The following UBAC2 variants were observed in gnomAD, a reference collection of about 807,000 sequenced individuals.
UBAC2 encodes the protein ubiquitin-associated domain-containing protein 2.
A neutral mutation model predicts 44.0 loss-of-function variants in UBAC2; 26 were observed. That is an observed-to-expected ratio of 0.59 (90% CI 0.43 to 0.82). The LOEUF is 0.82. Ranked by LOEUF, UBAC2 falls within the 40% of genes least tolerant of loss-of-function variation. The probability of loss-of-function intolerance (pLI) is 0.00; values close to 1 mark genes in which losing one functional copy is unlikely to be tolerated. For missense variants in UBAC2, 329 were observed against 419.4 expected, an observed-to-expected ratio of 0.78 and a Z score of 1.88; for synonymous variants, 155 against 154.3, an observed-to-expected ratio of 1.00 and a Z score of -0.04.
At chr13:99,296,715 G>A (rs59654298) in intron 4 of UBAC2, among the ~76,000 whole-genome samples, 1,779 of 152,116 alleles carry the variant, frequency 0.012, 39 homozygotes, top group African/African-American at 0.041. Flanking sequence ...TGAGAAATAG[G>A]CTTAGTCCAT....
intron 8 of UBAC2, among the ~76,000 whole-genome samples, chr13:99,368,669 C>T (rs1356510699): frequency 6.7e-6 from 1 of 148,910 alleles, no homozygotes; most frequent in African/African-American, 2.5e-5. Context: ...TTATCACTAT[C>T]ATCGTAAACT....
intron 4 of UBAC2, among the ~76,000 whole-genome samples, chr13:99,262,288 A>T (rs182551692): frequency 6.6e-6 from 1 of 152,282 alleles, no homozygotes; most frequent in East Asian, 1.9e-4. Flanking sequence ...AATAGTAAGT[A>T]TAGGGTTTGG....
At chr13:99,277,140 C>A (rs1479647478) in intron 4 of UBAC2, among the ~76,000 whole-genome samples, 1 of 151,598 alleles carries the variant, frequency 6.6e-6, no homozygotes, top group Non-Finnish European at 1.5e-5. Context: ...TGGGCTTATA[C>A]CTTTAAAAAA....
intron 7 of UBAC2, among the ~76,000 whole-genome samples, chr13:99,362,782 T>A (rs1594171854): frequency 6.6e-6 from 1 of 152,206 alleles, no homozygotes; most frequent in Admixed American, 6.5e-5. Context: ...TTTGTAACTT[T>A]TGAATTTTGA....
intron 4 of UBAC2, among the ~76,000 whole-genome samples, chr13:99,301,447 C>T (rs2044255363): frequency 6.6e-6 from 1 of 152,226 alleles, no homozygotes; most frequent in African/African-American, 2.4e-5. Flanking sequence ...ATGTGTAAAA[C>T]AGTAAGTTTC....
chr13:99,357,715 T>C (rs2045207572), intron 7 of UBAC2, among the ~76,000 whole-genome samples: 1 of 152,200 alleles, frequency 6.6e-6, no homozygotes, highest in Admixed American at 6.5e-5. Context: ...ATGAAGAATG[T>C]AGGTATCAAG....
At position 99,385,316 on chromosome 13, in the gene UBAC2, A is replaced by C; in HGVS notation, c.1016A>C (p.Asn339Thr). 3 of 1,613,976 alleles carry C rather than the reference A, an allele frequency of 1.9e-6. No individual in the cohort carries two copies. The highest frequency in any genetic ancestry group is 2.5e-6 in the Non-Finnish European group (3 of 1,179,938). ...ASNNDLNVAT[N>T]FLLQH ...AACAATGACCTCAATGTCGCCACCA[A>C]CTTCCTGCTGCAGCACTGATAGTCC... is the stretch of plus-strand genomic sequence containing the variant. Residue 339 changes from asparagine to threonine, a missense_variant, in exon 9 of 9, where the codon AAC becomes ACC. Coordinates refer to ENST00000403766, the MANE Select transcript of UBAC2 (RefSeq NM_001144072.2).
intron 4 of UBAC2, among the ~76,000 whole-genome samples, chr13:99,310,527 A>G (rs2044397694): frequency 6.6e-6 from 1 of 152,248 alleles, no homozygotes. Flanking sequence ...AAGACTGGTC[A>G]GTGACTAATA....
intron 7 of UBAC2, chr13:99,351,579 G>T (rs1453325950): frequency 6.6e-6 from 3 of 456,588 alleles, no homozygotes; most frequent in African/African-American, 4.0e-5. Context: ...CTTAGTTCTG[G>T]TCATCTGTTA....
intron 4 of UBAC2, among the ~76,000 whole-genome samples, chr13:99,289,896 G>A (rs1359539329): frequency 1.3e-5 from 2 of 152,128 alleles, no homozygotes; most frequent in African/African-American, 2.4e-5. Flanking sequence ...AGTGACACAC[G>A]CGTCTTTTGC....
At chr13:99,354,180 G>A (rs1256870254) in intron 7 of UBAC2, among the ~76,000 whole-genome samples, 2 of 152,198 alleles carry the variant, frequency 1.3e-5, no homozygotes, top group Non-Finnish European at 2.9e-5. Context: ...CAGGACAGTT[G>A]CCCAAGGAGC....
chr13:99,385,472 C>T lies in UBAC2; in HGVS notation c.*137C>T. The T allele has an allele frequency of 3.0e-6, 2 of 659,274 alleles. No individual in the cohort carries two copies. The highest frequency in any genetic ancestry group is 1.8e-5 in the South Asian group (1 of 56,594). The allele number at this position is 659,274 out of a possible 1,614,324, so 40.8% of individuals were successfully genotyped here. ...AGAGGGAGGTTCCACCGCACCCCTG[C>T]CCTCAACCGCAAGACTGTTGCCGTT... On this transcript the variant is annotated 3_prime_UTR_variant, in exon 9 of 9. Transcript: ENST00000403766.
chr13:99,222,546 A>AGTT (rs1461204914), intron 1 of UBAC2, among the ~76,000 whole-genome samples: 1 of 152,258 alleles, frequency 6.6e-6, no homozygotes, highest in Non-Finnish European at 1.5e-5. Context: ...TGGTAATTAC[A>AGTT]TAGCAGTAAG....
In UBAC2 at chr13:99,253,605, C is replaced by A. The variant is rs182784259; in HGVS notation, c.389+8981C>A. 5.1e-4 allele frequency among the ~76,000 whole-genome samples: 77 copies of A among 152,282 alleles called. 1 individual carries two copies. The highest frequency in any genetic ancestry group is 4.6e-3 in the Admixed American group (70 of 15,284). ...CTCGGCTCACTGCAGCCTCCGCCTCCTGGGTTCAAGCTATTCTCCTGCCTC... is the reference window on the plus strand; with the variant it reads ...CTCGGCTCACTGCAGCCTCCGCCTCATGGGTTCAAGCTATTCTCCTGCCTC... On this transcript the variant is annotated intron_variant, in intron 4 of 8. Coordinates refer to ENST00000403766, the MANE Select transcript of UBAC2 (RefSeq NM_001144072.2).
In UBAC2 at chr13:99,237,088, C is replaced by T. The variant is rs187489672; in HGVS notation, c.32-1339C>T. On this transcript the variant is annotated intron_variant, in intron 1 of 8. Transcript: ENST00000403766. ...CTTCCATGCTTATTGCAGCACTATT[C>T]ACAATAGCCAAAATGTGGAATCAAC... is the stretch of plus-strand genomic sequence containing the variant. 3.2e-3 allele frequency among the ~76,000 whole-genome samples: 489 copies of T among 152,202 alleles called. 3 individuals are homozygous for T. Among genetic ancestry groups the T allele is most frequent in the Non-Finnish European group, 4.4e-3 (296 of 68,022 alleles).
At chr13:99,270,559 TCAA>T (rs1594073768) in intron 4 of UBAC2, among the ~76,000 whole-genome samples, 1 of 152,220 alleles carries the variant, frequency 6.6e-6, no homozygotes, top group South Asian at 2.1e-4. Flanking sequence ...TATAGTGGTA[TCAA>T]CAACAAGTAG....
At chr13:99,330,220 G>C (rs534616747) in intron 6 of UBAC2, among the ~76,000 whole-genome samples, 26 of 152,042 alleles carry the variant, frequency 1.7e-4, no homozygotes, top group African/African-American at 6.0e-4. Flanking sequence ...CAGCACTTTG[G>C]GAGGCCAAGG....
chr13:99,360,546 C>G (rs1193931271), intron 7 of UBAC2, among the ~76,000 whole-genome samples: 1 of 152,196 alleles, frequency 6.6e-6, no homozygotes, highest in Non-Finnish European at 1.5e-5. Flanking sequence ...TCAGCTTCCT[C>G]TACCTTTTTG....
At chr13:99,344,682 G>T (rs2044945843) in intron 7 of UBAC2, among the ~76,000 whole-genome samples, 1 of 152,256 alleles carries the variant, frequency 6.6e-6, no homozygotes, top group African/African-American at 2.4e-5. Context: ...TTGATTCAGT[G>T]TTGTATTTCT....
Sources: gnomAD v4.1 joint callset for allele counts (sites outside exome capture counted in the v4.1 genomes callset) on GRCh38, gnomAD v4.1.1 for gene constraint, MANE v1.5 for transcripts, NCBI Gene and HGNC (gene_info 2026-07-23, HGNC 2026-07-21) for gene names.